The following ZNF385B variants were observed in gnomAD, a reference collection of about 807,000 sequenced individuals.
ZNF385B encodes zinc finger protein 533.
Under a neutral mutation model 39.2 loss-of-function variants are expected in ZNF385B, and 23 were observed. The ratio of observed to expected loss-of-function variants is 0.59; its 90% CI spans 0.42 to 0.83. ZNF385B has a LOEUF of 0.83. Among genes scored for constraint, ZNF385B ranks in the 40% least tolerant of loss-of-function variants. ZNF385B has a pLI of 0.00. For synonymous variants in ZNF385B, 205 were observed against 222.6 expected, an observed-to-expected ratio of 0.92 and a Z score of 0.70; for missense variants, 552 against 598.9, an observed-to-expected ratio of 0.92 and a Z score of 0.82.
intron 3 of ZNF385B, among the ~76,000 whole-genome samples, chr2:179,683,599 C>T (rs1697700331): frequency 6.6e-6 from 1 of 151,756 alleles, no homozygotes; most frequent in South Asian, 2.1e-4. Context: ...CCTCAGTCTC[C>T]CGAGTAGCTG....
chr2:179,729,909 C>T (rs778191037), intron 3 of ZNF385B, among the ~76,000 whole-genome samples: 1 of 152,174 alleles, frequency 6.6e-6, no homozygotes, highest in Non-Finnish European at 1.5e-5. Flanking sequence ...TCCCCTTCCG[C>T]CATAATTGCA....
At chr2:179,823,064 C>T (rs541980140) in intron 1 of ZNF385B, among the ~76,000 whole-genome samples, 20 of 152,232 alleles carry the variant, frequency 1.3e-4, no homozygotes, top group African/African-American at 3.9e-4. Flanking sequence ...TCAAAATTCA[C>T]GCTGAATCAA....
rs375747403 is a variant in ZNF385B at position 179,665,638 on chromosome 2, A to G, written c.298+103865T>C. 1.3e-4 allele frequency among the ~76,000 whole-genome samples: 20 copies of G among 152,314 alleles called. No individual in the cohort carries two copies. The East Asian group carries it at 3.3e-3, about 25-fold the overall frequency. ...TGGTTCGAACTAGTCACATCTTTGC[A>G]CAACTGGACACATCAAAATAATTGT... On this transcript the variant is annotated intron_variant, in intron 3 of 9. Coordinates refer to ENST00000410066, the MANE Select transcript of ZNF385B (RefSeq NM_152520.6).
intron 6 of ZNF385B, among the ~76,000 whole-genome samples, chr2:179,473,046 T>A (rs1204393697): frequency 6.6e-6 from 1 of 152,194 alleles, no homozygotes; most frequent in Non-Finnish European, 1.5e-5. Flanking sequence ...TCACTTAATA[T>A]GTGCTAATTA....
chr2:179,631,954 C>T (rs6713726), intron 3 of ZNF385B, among the ~76,000 whole-genome samples: 29,699 of 151,808 alleles, frequency 0.2, 4,081 homozygotes, highest in African/African-American at 0.4. Flanking sequence ...AGAAGGCCAA[C>T]ACATAATGGT....
intron 1 of ZNF385B, among the ~76,000 whole-genome samples, chr2:179,838,398 T>C (rs1708365322): frequency 6.6e-6 from 1 of 152,190 alleles, no homozygotes; most frequent in Non-Finnish European, 1.5e-5. Flanking sequence ...GCTTATACAA[T>C]AGATTTATCT....
At chr2:179,525,183 G>A (rs1306647920) in intron 4 of ZNF385B, among the ~76,000 whole-genome samples, 1 of 151,254 alleles carries the variant, frequency 6.6e-6, no homozygotes, top group Admixed American at 6.6e-5. Context: ...GTATTGCATC[G>A]CACTGCTAAA....
rs1401541816 is a variant in ZNF385B, at chr2:179,493,649, G to GTA, written c.553-10217_553-10216dup. ...TATACGCATATGTATACACATATGC[G>GTA]TATACATATATGTATATGCATATGC... On this transcript the variant is annotated intron_variant, in intron 5 of 9. Transcript: ENST00000410066. Among the ~76,000 whole-genome samples the GTA allele has an allele frequency of 2.6e-3, 269 of 104,998 alleles. 2 individuals carry two copies. Among genetic ancestry groups the GTA allele is most frequent in the East Asian group, 7.7e-3 (22 of 2,856 alleles). The allele number at this position is 104,998 out of a possible 152,430, so 68.9% of individuals were successfully genotyped here.
Position 179,639,226 on chromosome 2 carries a change from C to CA in ZNF385B, c.299-94258dup, listed in dbSNP as rs59905278. 1.8e-4 allele frequency among the ~76,000 whole-genome samples: 17 copies of CA among 93,024 alleles called. No homozygotes were observed. In the East Asian group the frequency reaches 2.6e-3, roughly 14 times the overall value. 61.0% of individuals were successfully genotyped at this position (93,024 alleles called of 152,430 possible). ...CTGGGGACAGAGTGAGATCCTGCCTCAAAAAAAAAAAAAAAAAAAAAAAGG... is the reference window on the plus strand; with the variant it reads ...CTGGGGACAGAGTGAGATCCTGCCTCAAAAAAAAAAAAAAAAAAAAAAAAGG... On this transcript the variant is annotated intron_variant, in intron 3 of 9. Transcript: ENST00000410066.
intron 3 of ZNF385B, among the ~76,000 whole-genome samples, chr2:179,561,236 T>A (rs2061317546): frequency 6.6e-6 from 1 of 152,146 alleles, no homozygotes; most frequent in Admixed American, 6.6e-5. Flanking sequence ...TTGGGATAAA[T>A]AATTCTATGA....
chr2:179,524,551 CAAAAAAAAAAAAAAAAAAAAAAAA>C (rs770219234), intron 4 of ZNF385B, among the ~76,000 whole-genome samples: 2 of 60,990 alleles, frequency 3.3e-5, no homozygotes, highest in African/African-American at 1.6e-4. Context: ...GACTCCGTCT[CAAAAAAAAAAAAAAAAAAAAAAAA>C]AAAAAAAAAA....
chr2:179,450,948 C>T (rs1465397910), intron 6 of ZNF385B, among the ~76,000 whole-genome samples: 2 of 151,662 alleles, frequency 1.3e-5, no homozygotes, highest in Admixed American at 1.3e-4. Context: ...ATGTCCTTTG[C>T]AGGGACATGG....
chr2:179,481,965 C>A (rs1476977958), intron 6 of ZNF385B, among the ~76,000 whole-genome samples: 1 of 152,168 alleles, frequency 6.6e-6, no homozygotes, highest in African/African-American at 2.4e-5. Flanking sequence ...AGGTTTTGTT[C>A]TTTACAGAGG....
chr2:179,652,226 A>G (rs1693257216), intron 3 of ZNF385B, among the ~76,000 whole-genome samples: 1 of 152,168 alleles, frequency 6.6e-6, no homozygotes, highest in Admixed American at 6.6e-5. Context: ...ATGTGGTTTC[A>G]TTTTTCACAG....
chr2:179,446,808 A>G (rs747703099), intron 6 of ZNF385B, 38 bp from the exon 7 acceptor site: 1 of 1,552,968 alleles, frequency 6.4e-7, no homozygotes, highest in Admixed American at 2.1e-5. Context: ...GAAGCCTCAT[A>G]TATCATATAA....
chr2:179,601,723 C>T (rs542964390), intron 3 of ZNF385B, among the ~76,000 whole-genome samples: 2 of 152,064 alleles, frequency 1.3e-5, no homozygotes, highest in African/African-American at 2.4e-5. Context: ...TTGCAATGTA[C>T]TCATTACAAA....
At chr2:179,848,004 A>C (rs1416611555) in intron 1 of ZNF385B, among the ~76,000 whole-genome samples, 1 of 152,198 alleles carries the variant, frequency 6.6e-6, no homozygotes, top group African/African-American at 2.4e-5. Context: ...TCTAGAAAGA[A>C]GCATGAGAGG....
intron 5 of ZNF385B, among the ~76,000 whole-genome samples, chr2:179,502,528 C>T (rs1232429625): frequency 6.6e-6 from 1 of 152,180 alleles, no homozygotes; most frequent in African/African-American, 2.4e-5. Flanking sequence ...CTTCCCCTTT[C>T]TCTTTCCCTC....
chr2:179,741,919 T>G (rs983465906), intron 3 of ZNF385B, among the ~76,000 whole-genome samples: 3 of 151,968 alleles, frequency 2.0e-5, no homozygotes, highest in Non-Finnish European at 2.9e-5. Context: ...AAAGGCCAGA[T>G]GAACGGGTAG....
Sources: gnomAD v4.1 joint callset for allele counts (sites outside exome capture counted in the v4.1 genomes callset) on GRCh38, gnomAD v4.1.1 for gene constraint, MANE v1.5 for transcripts, NCBI Gene and HGNC (gene_info 2026-07-23, HGNC 2026-07-21) for gene names.